PRC1: variants seen among roughly 807,000 people sequenced by gnomAD.
PRC1 encodes protein regulator of cytokinesis 1.
PRC1 carries 54 observed loss-of-function variants against 91.2 expected under a neutral mutation model. The ratio of observed to expected loss-of-function variants is 0.59; its 90% CI spans 0.48 to 0.74. PRC1 has a LOEUF of 0.74. Ranked by LOEUF, PRC1 falls within the 30% of genes least tolerant of loss-of-function variation. PRC1 has a pLI of 0.00. For synonymous variants in PRC1, 275 were observed against 263.6 expected (o/e 1.04, Z -0.42); for missense variants, 727 against 746.2 (o/e 0.97, Z 0.30).
intron 3 of PRC1, among the ~76,000 whole-genome samples, chr15:90,983,306 G>A (rs751646121): frequency 6.6e-6 from 1 of 152,152 alleles, no homozygotes; most frequent in Non-Finnish European, 1.5e-5. Flanking sequence ...AACCTTATGG[G>A]TGTACTCATT....
intron 1 of PRC1, among the ~76,000 whole-genome samples, chr15:90,993,606 G>A (rs2040108945): frequency 6.6e-6 from 1 of 152,202 alleles, no homozygotes. Flanking sequence ...GAAGTCACAA[G>A]GTTGGTAAGT....
rs74480822 is a variant in PRC1, at chr15:90,968,822, G to A, written c.1791+257C>T. The A allele has an allele frequency of 1.7e-3, 2,189 of 1,293,796 alleles. 19 individuals are homozygous for A. The African/African-American group carries it at 0.022, about 13-fold the overall frequency. The allele number at this position is 1,293,796 out of a possible 1,614,324, so 80.1% of individuals were successfully genotyped here. On this transcript the variant is annotated intron_variant, in intron 14 of 14. Coordinates refer to ENST00000394249, the MANE Select transcript of PRC1 (RefSeq NM_003981.4). Reference sequence around the variant, plus strand: ...TGATGTCACAATTGGGGAGGGTCAAGGTTTTCTGTTAAACGTGATTTAAAA... The same window carrying A: ...TGATGTCACAATTGGGGAGGGTCAAAGTTTTCTGTTAAACGTGATTTAAAA...
At chr15:90,993,211 CTTTTT>C (rs10679998) in intron 1 of PRC1, among the ~76,000 whole-genome samples, 1 of 123,064 alleles carries the variant, frequency 8.1e-6, no homozygotes, top group East Asian at 2.4e-4. Context: ...TGTTAATGGA[CTTTTT>C]TTTTTTTTTT....
chr15:90,983,704 G>T, intron 3 of PRC1: 1 of 188,894 alleles, frequency 5.3e-6, no homozygotes, highest in Non-Finnish European at 1.1e-5. Context: ...AAAGAACACT[G>T]CAGCACCATC....
At chr15:90,973,099 G>A (rs572325348) in intron 11 of PRC1, 1 of 152,368 alleles carries the variant, frequency 6.6e-6, no homozygotes, top group African/African-American at 2.4e-5. Flanking sequence ...CAGGACAGAG[G>A]GCAAGAGGTA....
intron 1 of PRC1, chr15:90,988,137 A>G (rs2039716772): frequency 6.6e-6 from 1 of 152,178 alleles, no homozygotes; most frequent in Admixed American, 6.5e-5. Flanking sequence ...CTAAAGTCCA[A>G]CTAAAGAGCT....
At chr15:90,991,023 C>G (rs1442105191) in intron 1 of PRC1, among the ~76,000 whole-genome samples, 1 of 151,816 alleles carries the variant, frequency 6.6e-6, no homozygotes, top group Non-Finnish European at 1.5e-5. Flanking sequence ...GTGATCCGAC[C>G]GCCTCGGCCT....
chr15:90,970,663 G>A, intron 11 of PRC1, 149 bp from the exon 12 acceptor site: 1 of 577,564 alleles, frequency 1.7e-6, no homozygotes. Context: ...GTCTAATACT[G>A]CATAGATTTG....
chr15:90,981,733 ATGTAGGCAG>A lies in PRC1; in HGVS notation c.501+6_501+14del. The A allele has an allele frequency of 6.2e-7, 1 of 1,609,554 alleles. No homozygotes were observed. The highest frequency in any genetic ancestry group is 1.1e-5 in the South Asian group (1 of 90,898). ...CCAAAGTGACTTTTAGGAAGAACAAATGTAGGCAGTGTACCTTTGTTTCCCTCAAAGTTG... is the reference window on the plus strand; with the variant it reads ...CCAAAGTGACTTTTAGGAAGAACAAATGTACCTTTGTTTCCCTCAAAGTTG... On this transcript the variant is annotated splice_donor_region_variant and intron_variant, in intron 4 of 14. Coordinates refer to ENST00000394249, the MANE Select transcript of PRC1 (RefSeq NM_003981.4).
At chr15:90,971,292 G>A (rs2038102819) in intron 11 of PRC1, among the ~76,000 whole-genome samples, 1 of 152,154 alleles carries the variant, frequency 6.6e-6, no homozygotes, top group Non-Finnish European at 1.5e-5. Flanking sequence ...GATAAGAGCT[G>A]TAAATGTTTT....
intron 14 of PRC1, chr15:90,968,645 G>A: frequency 9.9e-7 from 1 of 1,005,804 alleles, no homozygotes; most frequent in Non-Finnish European, 1.2e-6. Context: ...TGAGAATAGA[G>A]CTGGCGGTTA....
intron 11 of PRC1, among the ~76,000 whole-genome samples, chr15:90,971,249 A>T (rs2038097435): frequency 6.6e-6 from 1 of 152,166 alleles, no homozygotes; most frequent in Admixed American, 6.5e-5. Context: ...CATTGTATAA[A>T]CCTACATATG....
Position 90,966,090 on chromosome 15 carries a change from ATATT to A in PRC1, c.*1037_*1040del. On this transcript the variant is annotated 3_prime_UTR_variant, in exon 15 of 15. Coordinates refer to ENST00000394249, the MANE Select transcript of PRC1 (RefSeq NM_003981.4). ...TTAATTTATTTTTAAGAATAATTGT[ATATT>A]TTAAAAACAGGACACGTACTGTATG... The A allele has an allele frequency of 6.6e-6, 1 of 152,338 alleles. No homozygotes were observed. Among genetic ancestry groups the A allele is most frequent in the Non-Finnish European group, 1.5e-5 (1 of 68,106 alleles). 9.4% of individuals were successfully genotyped at this position (152,338 alleles called of 1,614,324 possible).
chr15:90,974,572 C>T lies in PRC1; in HGVS notation c.1350+13G>A, dbSNP rs771516851. ...TTCGTCTTTTCCCAATTTGCGTTCA[C>T]GTTCACACTTACTCTTTCCTGCTTG... On this transcript the variant is annotated intron_variant, in intron 10 of 14. Transcript: ENST00000394249. The surrounding 1 kb of genome is among the most constrained non-coding windows in gnomAD (Gnocchi z 4.6). 7.4e-6 allele frequency: 12 copies of T among 1,614,084 alleles called. No homozygotes were observed. The South Asian group carries it at 7.7e-5, about 10-fold the overall frequency.
Position 90,974,452 on chromosome 15 carries a change from T to A in PRC1, c.1350+133A>T. 7.4e-7 allele frequency: 1 copy of A among 1,352,576 alleles called. No individual in the cohort carries two copies. Among genetic ancestry groups the A allele is most frequent in the Non-Finnish European group, 1.0e-6 (1 of 986,712 alleles). 83.8% of individuals were successfully genotyped at this position (1,352,576 alleles called of 1,614,324 possible). A position where few individuals can be genotyped will look rare whatever the true frequency, so the allele number is the denominator to read the frequency against. ...CGGCTCCCCGTTCCACAAGCCCCGG[T>A]CCCCGGCTTCCCGTTCCACAAGCCC... On this transcript the variant is annotated intron_variant, in intron 10 of 14. Transcript: ENST00000394249. The surrounding 1 kb of genome is among the most constrained non-coding windows in gnomAD (Gnocchi z 4.6).
Position 90,969,482 on chromosome 15 carries a change from T to C in PRC1, c.1714A>G (p.Ile572Val), listed in dbSNP as rs1167212396. ...GAATAGGTGCTGGCAACAGAATTAA[T>C]GCTGAAGTTGCGCTGGAGGGGGGCC... ...GSAPLQRNFS[I>V]NSVASTYSEF... Residue 572 changes from isoleucine to valine, a missense_variant, in exon 13 of 15, where the codon ATT (isoleucine) becomes GTT (valine). Transcript: ENST00000394249. 5 of 1,611,052 alleles carry C rather than the reference T, an allele frequency of 3.1e-6. No individual in the cohort carries two copies. The African/African-American group carries it at 5.4e-5, about 17-fold the overall frequency.
intron 9 of PRC1, 124 bp downstream of exon 9, chr15:90,976,552 C>T: frequency 1.3e-6 from 1 of 774,752 alleles, no homozygotes; most frequent in Non-Finnish European, 2.1e-6. Flanking sequence ...AAATATATAA[C>T]TTATTATCTC....
In PRC1 at chr15:90,981,837, G is replaced by A. The variant is rs899097094; in HGVS notation, c.412C>T (p.Pro138Ser). The A allele has an allele frequency of 1.2e-6, 2 of 1,614,180 alleles. No homozygotes were observed. The highest frequency in any genetic ancestry group is 1.3e-5 in the African/African-American group (1 of 75,034). ...DQELCEILCM[P>S]HYDIDSASVP... ...GAGGCACTGTCAATATCATAGTGGG[G>A]CATACAAAGAATTTCGCACAGTTCT... The change falls in exon 4 of 15, where the codon CCC becomes TCC. Residue 138 changes from proline (P) to serine (S), a missense_variant. By Grantham distance (74) the Pro-to-Ser change is moderately conservative. Transcript: ENST00000394249.
At chr15:90,980,827 A>G (rs1596311949) in intron 6 of PRC1, 57 bp downstream of exon 6, 16 of 1,608,156 alleles carry the variant, frequency 9.9e-6, no homozygotes, top group Non-Finnish European at 1.1e-5. Context: ...AGTCTTTATG[A>G]CTAACACAGA....
Sources: allele counts gnomAD v4.1 joint callset (sites outside exome capture counted in the v4.1 genomes callset), GRCh38; gene constraint gnomAD v4.1.1; non-coding constraint Gnocchi (gnomAD v3.1); transcripts MANE v1.5; gene names NCBI Gene and HGNC (gene_info 2026-07-23, HGNC 2026-07-21).